Variants in CSMD3 observed in about 807,000 individuals in gnomAD.
CSMD3 encodes CUB and sushi domain-containing protein 3.
In CSMD3, 177 loss-of-function variants were observed where a neutral mutation model predicts 435.2. The observed-to-expected ratio is 0.41, with a 90% CI of 0.36 to 0.46. The LOEUF (loss-of-function observed/expected upper bound fraction) is 0.46. Ranked by LOEUF, CSMD3 falls within the 20% of genes least tolerant of loss-of-function variation. The probability of loss-of-function intolerance (pLI) is 0.34; values close to 1 mark genes in which losing one functional copy is unlikely to be tolerated. For synonymous variants in CSMD3, 1,656 were observed against 1,520.5 expected (o/e 1.09, Z -2.07); for missense variants, 4,265 against 4,504.6 (o/e 0.95, Z 1.52).
chr8:113,407,889 G>C (rs2094539978), intron 1 of CSMD3, among the ~76,000 whole-genome samples: 1 of 152,142 alleles, frequency 6.6e-6, no homozygotes, highest in East Asian at 1.9e-4. Context: ...GTTTTCTCAT[G>C]GACAAACAGT....
At chr8:113,387,027 C>A (rs1023467401) in intron 1 of CSMD3, among the ~76,000 whole-genome samples, 3 of 151,690 alleles carry the variant, frequency 2.0e-5, no homozygotes, top group Non-Finnish European at 4.4e-5. Flanking sequence ...GCAAGAAAGC[C>A]AAGGAACATT....
intron 3 of CSMD3, among the ~76,000 whole-genome samples, chr8:113,198,885 G>A (rs918955571): frequency 2.0e-5 from 3 of 150,958 alleles, no homozygotes; most frequent in Non-Finnish European, 3.0e-5. Flanking sequence ...CAGAGCCAAC[G>A]TTAGAGATAT....
At chr8:113,314,200 T>G (rs2093892280) in intron 2 of CSMD3, 1 of 187,608 alleles carries the variant, frequency 5.3e-6, no homozygotes. Context: ...TGTTGTATAT[T>G]AAAATTGGAC....
rs755814766 is a variant in CSMD3 at position 112,336,732 on chromosome 8, T to A, written c.6939A>T (p.Val2313=). 3.7e-6 allele frequency: 6 copies of A among 1,613,474 alleles called. No individual in the cohort carries two copies. Among genetic ancestry groups the A allele is most frequent in the Non-Finnish European group, 4.2e-6 (5 of 1,179,518 alleles). ...YPNFQDCFWL[V]RVPPGNGIYI... ...AGATGCCATTCCCAGGGGGTACTCTTACAAGCCAAAAACAATCTTGAAAGT... is the reference window on the plus strand; with the variant it reads ...AGATGCCATTCCCAGGGGGTACTCTAACAAGCCAAAAACAATCTTGAAAGT... Residue 2313 remains valine, a synonymous_variant, in exon 44 of 71, where the codon GTA becomes GTT. Coordinates refer to ENST00000297405, the MANE Select transcript of CSMD3 (RefSeq NM_198123.2).
intron 32 of CSMD3, among the ~76,000 whole-genome samples, chr8:112,415,624 G>A (rs915994603): frequency 1.1e-4 from 17 of 152,148 alleles, no homozygotes; most frequent in South Asian, 2.1e-4. Flanking sequence ...AGCTTGTATC[G>A]TGCACCAGGA....
intron 5 of CSMD3, among the ~76,000 whole-genome samples, chr8:113,066,049 T>C (rs778942893): frequency 6.6e-6 from 1 of 151,148 alleles, no homozygotes; most frequent in Non-Finnish European, 1.5e-5. Context: ...AATTTTTTTT[T>C]TTCTGAGAGG....
intron 24 of CSMD3, among the ~76,000 whole-genome samples, chr8:112,559,317 C>T (rs1828405611): frequency 6.6e-6 from 1 of 151,868 alleles, no homozygotes; most frequent in African/African-American, 2.4e-5. Context: ...ATTTACATTA[C>T]AAAAGGTTAG....
intron 1 of CSMD3, among the ~76,000 whole-genome samples, chr8:113,358,533 A>G (rs1239812171): frequency 6.6e-6 from 1 of 152,116 alleles, no homozygotes; most frequent in Non-Finnish European, 1.5e-5. Context: ...TTGTATATTT[A>G]GTACAGACCA....
chr8:112,533,999 T>C (rs1361648166), intron 27 of CSMD3, among the ~76,000 whole-genome samples: 3 of 152,018 alleles, frequency 2.0e-5, no homozygotes, highest in African/African-American at 7.2e-5. Flanking sequence ...TTAAATGACA[T>C]GCTCCTGAAC....
intron 32 of CSMD3, 57 bp from the exon 33 acceptor site, chr8:112,409,089 C>A (rs574739040): frequency 4.0e-5 from 64 of 1,598,194 alleles, no homozygotes; most frequent in Admixed American, 3.6e-4. Flanking sequence ...AAAACGAAAA[C>A]AAAAAACAAA....
chr8:113,181,088 G>T (rs940420069), intron 3 of CSMD3, among the ~76,000 whole-genome samples: 11 of 151,664 alleles, frequency 7.3e-5, no homozygotes, highest in African/African-American at 2.4e-4. Flanking sequence ...ATAAATTACT[G>T]GTTGCTAGAA....
At chr8:113,037,519 C>A (rs1322989025) in intron 5 of CSMD3, among the ~76,000 whole-genome samples, 3 of 151,962 alleles carry the variant, frequency 2.0e-5, no homozygotes, top group Non-Finnish European at 2.9e-5. Context: ...AATCTACAAG[C>A]AAAATCTGGT....
Position 113,278,641 on chromosome 8 carries a change from C to A in CSMD3, c.465G>T (p.Leu155Phe). 6.2e-7 allele frequency: 1 copy of A among 1,605,122 alleles called. No individual in the cohort carries two copies. Among genetic ancestry groups the A allele is most frequent in the South Asian group, 1.1e-5 (1 of 90,826 alleles). ...TSTKSVFSLR[L>F]TSDFAVSAHG... ...GAGCACTAACTGCAAAATCACTGGTCAAACGTAGTGAGAACACAGATTTGG... is the reference window on the plus strand; with the variant it reads ...GAGCACTAACTGCAAAATCACTGGTAAAACGTAGTGAGAACACAGATTTGG... Residue 155 changes from leucine to phenylalanine, a missense_variant, in exon 3 of 71, where the codon TTG (leucine) becomes TTT (phenylalanine). Coordinates refer to ENST00000297405, the MANE Select transcript of CSMD3 (RefSeq NM_198123.2).
At chr8:113,299,790 T>C (rs2093750306) in intron 2 of CSMD3, among the ~76,000 whole-genome samples, 1 of 151,502 alleles carries the variant, frequency 6.6e-6, no homozygotes. Context: ...AGGCCAGGAG[T>C]TCAAGACCAG....
At chr8:113,332,913 G>C (rs927933723) in intron 1 of CSMD3, among the ~76,000 whole-genome samples, 2 of 151,630 alleles carry the variant, frequency 1.3e-5, no homozygotes, top group African/African-American at 4.8e-5. Flanking sequence ...GCATGGTACT[G>C]GTGGCATAAA....
chr8:112,483,312 A>C (rs2130807214), intron 31 of CSMD3, among the ~76,000 whole-genome samples: 1 of 152,070 alleles, frequency 6.6e-6, no homozygotes, highest in Admixed American at 6.6e-5. Flanking sequence ...CCAACATGGC[A>C]GAATTCCATC....
intron 3 of CSMD3, among the ~76,000 whole-genome samples, chr8:113,174,924 AT>A (rs1464532922): frequency 1.3e-5 from 2 of 151,984 alleles, no homozygotes; most frequent in South Asian, 2.1e-4. Flanking sequence ...ATAAGTAGTT[AT>A]ATCAAGGGAA....
intron 10 of CSMD3, among the ~76,000 whole-genome samples, chr8:112,905,311 T>TAC (rs1268389104): frequency 4.0e-5 from 2 of 50,156 alleles, no homozygotes; most frequent in Non-Finnish European, 6.7e-5. Context: ...TATGTGTATA[T>TAC]ATATATATAT....
At chr8:112,698,870 C>T (rs771083398) in intron 13 of CSMD3, among the ~76,000 whole-genome samples, 2 of 152,108 alleles carry the variant, frequency 1.3e-5, no homozygotes, top group Non-Finnish European at 2.9e-5. Flanking sequence ...ATGCACCAAT[C>T]GGTGCTGTGT....
Sources: gnomAD v4.1 joint callset for allele counts (sites outside exome capture counted in the v4.1 genomes callset) on GRCh38, gnomAD v4.1.1 for gene constraint, MANE v1.5 for transcripts, NCBI Gene and HGNC (gene_info 2026-07-23, HGNC 2026-07-21) for gene names.